Variants in ZKSCAN8 observed in about 807,000 individuals in gnomAD.
The protein encoded by ZKSCAN8 is zinc finger protein with KRAB and SCAN domains 8.
Under a neutral mutation model 57.2 loss-of-function variants are expected in ZKSCAN8, and 27 were observed. That is an observed-to-expected ratio of 0.47 (90% CI 0.35 to 0.65). The LOEUF (loss-of-function observed/expected upper bound fraction) is 0.65, where lower values mean the gene tolerates loss of function less well. Among genes scored for constraint, ZKSCAN8 ranks in the 30% least tolerant of loss-of-function variants. The pLI is 0.01. For missense variants in ZKSCAN8, 597 were observed against 696.3 expected (o/e 0.86, Z 1.60); for synonymous variants, 214 against 248.7 (o/e 0.86, Z 1.31).
rs996835497 is a variant in ZKSCAN8 at position 28,155,928 on chromosome 6, A to T, written c.*1911A>T. On this transcript the variant is annotated 3_prime_UTR_variant, in exon 6 of 6. Transcript: ENST00000330236. ...CCTTTCGATTATCCTTTATTTTCTT[A>T]TCCTCCCTTCTCTTGTTTCTTTTAT... 1 of 387,070 alleles carries T rather than the reference A, an allele frequency of 2.6e-6. No individual in the cohort carries two copies. Among genetic ancestry groups the T allele is most frequent in the African/African-American group, 2.1e-5 (1 of 48,356 alleles). 24.0% of individuals were successfully genotyped at this position (387,070 alleles called of 1,614,324 possible).
chr6:28,142,142 G>T (rs1765236901), intron 1 of ZKSCAN8, 113 bp downstream of exon 1: 1 of 152,248 alleles, frequency 6.6e-6, no homozygotes. Context: ...GGTGTTCGGC[G>T]CCGCGGACCG....
At chr6:28,149,361 G>A (rs1581523491) in intron 2 of ZKSCAN8, 122 bp from the exon 3 acceptor site, 1 of 1,283,728 alleles carries the variant, frequency 7.8e-7, no homozygotes, top group Non-Finnish European at 1.1e-6. Context: ...TAAGAAGTGA[G>A]GAAGATTCTG....
Position 28,148,823 on chromosome 6 carries a change from C to G in ZKSCAN8, c.416C>G (p.Pro139Arg). 1 of 1,610,656 alleles carries G rather than the reference C, an allele frequency of 6.2e-7. No individual in the cohort carries two copies. The highest frequency in any genetic ancestry group is 8.5e-7 in the Non-Finnish European group (1 of 1,177,810). Reference protein sequence around the residue: ...LERQIDILGRPVSARVHGHRV... With the variant: ...LERQIDILGRRVSARVHGHRV... ...AGGCAGATTGATATACTAGGACGAC[C>G]AGTAAGTAGAAGGAGGTATGCGTGC... The change falls in exon 2 of 6, where the codon CCA becomes CGA. Residue 139 changes from proline to arginine, a missense_variant and splice_region_variant. Coordinates refer to ENST00000330236, the MANE Select transcript of ZKSCAN8 (RefSeq NM_006298.4).
intron 3 of ZKSCAN8, among the ~76,000 whole-genome samples, chr6:28,150,178 A>C (rs1765547693): frequency 6.6e-6 from 1 of 152,178 alleles, no homozygotes; most frequent in Non-Finnish European, 1.5e-5. Flanking sequence ...GTCTGGCGTC[A>C]CACTTTGTGG....
intron 4 of ZKSCAN8, 92 bp from the exon 5 acceptor site, chr6:28,152,169 T>C (rs1765611521): frequency 6.6e-7 from 1 of 1,523,734 alleles, no homozygotes; most frequent in Admixed American, 2.2e-5. Context: ...CAAGTTGTAA[T>C]TCTCTCCCAA....
At position 28,152,472 on chromosome 6, in the gene ZKSCAN8, A is replaced by T. The variant is rs1463372129; in HGVS notation, c.775+88A>T. On this transcript the variant is annotated intron_variant, in intron 5 of 5. Coordinates refer to ENST00000330236, the MANE Select transcript of ZKSCAN8 (RefSeq NM_006298.4). ...ATAGTAGCTACAGCCTTTCTGAAAG[A>T]CATAGTTAAGTTTAACTCAGGATCC... is the stretch of plus-strand genomic sequence containing the variant. 22 of 1,466,726 alleles carry T rather than the reference A, an allele frequency of 1.5e-5. No individual in the cohort carries two copies. In the Admixed American group the frequency reaches 2.2e-4, roughly 15 times the overall value. The allele number at this position is 1,466,726 out of a possible 1,614,324, so 90.9% of individuals were successfully genotyped here.
At position 28,153,177 on chromosome 6, in the gene ZKSCAN8, T is replaced by C; in HGVS notation, c.897T>C (p.His299=). The part of the protein sequence containing the change: ...CNGDVIRGLE[H]EEARDLLGRL... ...GGGATGTTATCAGGGGTCTTGAGCA[T>C]GAAGAAGCCCGAGACCTTCTGGGCA... is the stretch of plus-strand genomic sequence containing the variant. Residue 299 remains histidine (H), a synonymous_variant, in exon 6 of 6, where the codon CAT becomes CAC. Coordinates refer to ENST00000330236, the MANE Select transcript of ZKSCAN8 (RefSeq NM_006298.4). The C allele has an allele frequency of 6.2e-7, 1 of 1,614,166 alleles. No individual in the cohort carries two copies. The highest frequency in any genetic ancestry group is 8.5e-7 in the Non-Finnish European group (1 of 1,180,038).
chr6:28,146,209 C>T (rs780368853), intron 1 of ZKSCAN8, among the ~76,000 whole-genome samples: 1 of 152,130 alleles, frequency 6.6e-6, no homozygotes, highest in Non-Finnish European at 1.5e-5. Context: ...TAATGTTCTT[C>T]GATTCTATCA....
Position 28,158,168 on chromosome 6 carries a change from A to G in ZKSCAN8, c.*4151A>G, listed in dbSNP as rs558522104. 1 of 151,394 alleles carries G rather than the reference A, an allele frequency of 6.6e-6. No homozygotes were observed. The highest frequency in any genetic ancestry group is 1.9e-4 in the East Asian group (1 of 5,140). The allele number at this position is 151,394 out of a possible 1,614,324, so 9.4% of individuals were successfully genotyped here. On this transcript the variant is annotated 3_prime_UTR_variant, in exon 6 of 6. Coordinates refer to ENST00000330236, the MANE Select transcript of ZKSCAN8 (RefSeq NM_006298.4). The stretch of plus-strand genomic sequence containing the variant: ...TCTAATTTATATTTTATATTGTTGA[A>G]TTCTCCCTCCTTTGGCTTGTGGGAT...
Position 28,148,612 on chromosome 6 carries a change from C to G in ZKSCAN8, c.205C>G (p.Leu69Val), listed in dbSNP as rs1404269778. The part of the protein sequence containing the change: ...YQETLGPREA[L>V]IQLRALCHQW... The stretch of plus-strand genomic sequence containing the variant: ...GGAGACACTAGGACCCCGAGAAGCT[C>G]TGATCCAACTACGGGCCCTTTGCCA... Residue 69 changes from leucine (L) to valine (V), a missense_variant, in exon 2 of 6, where the codon CTG becomes GTG. Physicochemically the swap from Leu to Val is conservative, Grantham distance 32 (BLOSUM62 1). Transcript: ENST00000330236. The G allele has an allele frequency of 6.2e-7, 1 of 1,614,066 alleles. No individual in the cohort carries two copies. The highest frequency in any genetic ancestry group is 8.5e-7 in the Non-Finnish European group (1 of 1,180,054).
At chr6:28,145,269 G>A (rs1410396365) in intron 1 of ZKSCAN8, among the ~76,000 whole-genome samples, 2 of 152,122 alleles carry the variant, frequency 1.3e-5, no homozygotes, top group Admixed American at 1.3e-4. Flanking sequence ...CCCTGGGATG[G>A]GGGTAAGGAC....
rs761128935 is a variant in ZKSCAN8 at position 28,155,805 on chromosome 6, A to T, written c.*1788A>T. The T allele has an allele frequency of 3.2e-5, 7 of 216,952 alleles. No homozygotes were observed. The highest frequency in any genetic ancestry group is 5.8e-5 in the Admixed American group (1 of 17,254). 13.4% of individuals were successfully genotyped at this position (216,952 alleles called of 1,614,324 possible). A position where few individuals can be genotyped will look rare whatever the true frequency, so the allele number is the denominator to read the frequency against. On this transcript the variant is annotated 3_prime_UTR_variant, in exon 6 of 6. Coordinates refer to ENST00000330236, the MANE Select transcript of ZKSCAN8 (RefSeq NM_006298.4). ...TTCCTTCTCTGCCTCTCTATGGCCC[A>T]CTTTGACCACTAACAACATCAGAAT...
chr6:28,151,996 C>A, intron 4 of ZKSCAN8, 60 bp downstream of exon 4: 5 of 1,573,878 alleles, frequency 3.2e-6, no homozygotes, highest in Non-Finnish European at 4.4e-6. Flanking sequence ...TTTGTGGCAT[C>A]TGCCCTATAT....
chr6:28,153,928 G>A lies in ZKSCAN8; in HGVS notation c.1648G>A (p.Glu550Lys), dbSNP rs1413092878. The change falls in exon 6 of 6, where the codon GAG becomes AAG. Residue 550 changes from glutamate (E) to lysine (K), a missense_variant. Coordinates refer to ENST00000330236, the MANE Select transcript of ZKSCAN8 (RefSeq NM_006298.4). ...AGGGGAGAAGCCCTACCAATGTAAT[G>A]AGTGTGGGAAAGCCTTTATTCAGAG... The part of the protein sequence containing the change: ...HTGEKPYQCN[E>K]CGKAFIQRSS... 6.2e-7 allele frequency: 1 copy of A among 1,614,222 alleles called. No individual in the cohort carries two copies. The highest frequency in any genetic ancestry group is 1.1e-5 in the South Asian group (1 of 91,078).
chr6:28,151,619 A>G (rs1280375775), intron 3 of ZKSCAN8, among the ~76,000 whole-genome samples: 1 of 152,216 alleles, frequency 6.6e-6, no homozygotes, highest in Non-Finnish European at 1.5e-5. Context: ...TATACTTTCT[A>G]TTTTTGAGTG....
intron 1 of ZKSCAN8, 118 bp downstream of exon 1, chr6:28,142,147 G>C (rs1272604057): frequency 6.6e-6 from 1 of 152,240 alleles, no homozygotes; most frequent in Non-Finnish European, 1.5e-5. Context: ...TCGGCGCCGC[G>C]GACCGATTCT....
chr6:28,143,530 A>G (rs1050455035), intron 1 of ZKSCAN8, among the ~76,000 whole-genome samples: 1 of 152,190 alleles, frequency 6.6e-6, no homozygotes, highest in Non-Finnish European at 1.5e-5. Context: ...GCACCTGTGA[A>G]TAGACTCTGC....
rs1765643853 is a variant in ZKSCAN8 at position 28,153,001 on chromosome 6, T to G, written c.776-55T>G. ...TATCTTCAGTTCCTTTCTCCTAGCATAAAGAATAGGTTGTGACATTGGCTT... is the reference window on the plus strand; with the variant it reads ...TATCTTCAGTTCCTTTCTCCTAGCAGAAAGAATAGGTTGTGACATTGGCTT... On this transcript the variant is annotated intron_variant, in intron 5 of 5. Coordinates refer to ENST00000330236, the MANE Select transcript of ZKSCAN8 (RefSeq NM_006298.4). The G allele has an allele frequency of 2.5e-6, 4 of 1,585,888 alleles. No individual in the cohort carries two copies. The Admixed American group carries it at 7.0e-5, about 28-fold the overall frequency.
intron 3 of ZKSCAN8, among the ~76,000 whole-genome samples, chr6:28,151,463 G>T (rs983434567): frequency 6.6e-6 from 1 of 152,180 alleles, no homozygotes; most frequent in Non-Finnish European, 1.5e-5. Flanking sequence ...TTTCAGAAAG[G>T]TAATTAATTA....
Sources: allele counts gnomAD v4.1 joint callset (sites outside exome capture counted in the v4.1 genomes callset), GRCh38; gene constraint gnomAD v4.1.1; transcripts MANE v1.5; gene names NCBI Gene and HGNC (gene_info 2026-07-23, HGNC 2026-07-21).